Variants in METAP1D observed in about 807,000 individuals in gnomAD.
The protein encoded by METAP1D is methionine aminopeptidase 1D, mitochondrial.
Under a neutral mutation model 40.5 loss-of-function variants are expected in METAP1D, and 31 were observed. The observed-to-expected ratio is 0.77, with a 90% CI of 0.58 to 1.03. The LOEUF is 1.03. METAP1D is among the 50% of genes least tolerant of loss of function. METAP1D has a pLI of 0.00. For synonymous variants in METAP1D, 151 were observed against 146.4 expected (o/e 1.03, Z -0.22); for missense variants, 411 against 420.7 (o/e 0.98, Z 0.20).
intron 6 of METAP1D, among the ~76,000 whole-genome samples, chr2:172,076,263 A>G (rs1437374993): frequency 6.6e-6 from 1 of 151,624 alleles, no homozygotes; most frequent in Non-Finnish European, 1.5e-5. Flanking sequence ...AGAATCATTG[A>G]GGTTTGTTGG....
At chr2:172,071,121 T>C (rs755639068) in intron 6 of METAP1D, 51 bp downstream of exon 6, 1 of 1,453,850 alleles carries the variant, frequency 6.9e-7, no homozygotes, top group East Asian at 2.5e-5. Context: ...GGTACAAAGG[T>C]TATTGGTGGC....
intron 1 of METAP1D, among the ~76,000 whole-genome samples, chr2:172,037,410 G>GA (rs1050968593): frequency 1.1e-4 from 16 of 150,284 alleles, no homozygotes; most frequent in African/African-American, 2.9e-4. Context: ...CTAGAGACCA[G>GA]AAAAAAAAAT....
intron 5 of METAP1D, among the ~76,000 whole-genome samples, chr2:172,066,910 A>G (rs1690298201): frequency 6.6e-6 from 1 of 152,218 alleles, no homozygotes; most frequent in African/African-American, 2.4e-5. Context: ...TGCTCAAAGT[A>G]AGCAGAGTGG....
intron 1 of METAP1D, among the ~76,000 whole-genome samples, chr2:172,033,947 C>T (rs1377752971): frequency 1.3e-5 from 2 of 151,540 alleles, no homozygotes; most frequent in African/African-American, 4.9e-5. Context: ...AGTGGTGGTG[C>T]GTGCCTGTAA....
chr2:172,029,666 A>G (rs938576382), intron 1 of METAP1D, among the ~76,000 whole-genome samples: 1 of 152,156 alleles, frequency 6.6e-6, no homozygotes, highest in Non-Finnish European at 1.5e-5. Context: ...GAATGAAAAA[A>G]CTATAGCCCA....
chr2:172,051,222 T>G (rs1689878076), intron 1 of METAP1D, among the ~76,000 whole-genome samples: 1 of 152,182 alleles, frequency 6.6e-6, no homozygotes, highest in African/African-American at 2.4e-5. Context: ...CTATAATCTT[T>G]GGCACCCTTC....
chr2:172,007,878 C>G (rs569779883), intron 1 of METAP1D, among the ~76,000 whole-genome samples: 1 of 151,928 alleles, frequency 6.6e-6, no homozygotes, highest in Non-Finnish European at 1.5e-5. Flanking sequence ...TTAGTAGAGA[C>G]GGGGTTTCAC....
intron 3 of METAP1D, 110 bp downstream of exon 3, chr2:172,063,970 A>C (rs1039227987): frequency 2.4e-6 from 3 of 1,265,258 alleles, no homozygotes; most frequent in Middle Eastern, 2.4e-4. Context: ...TTGTTTTAAA[A>C]ATTTATTTGT....
chr2:172,012,534 G>A (rs1015223982), intron 1 of METAP1D, among the ~76,000 whole-genome samples: 2 of 152,160 alleles, frequency 1.3e-5, no homozygotes, highest in Non-Finnish European at 2.9e-5. Context: ...TTTTACCAAA[G>A]CCTTCTAACT....
At position 172,042,489 on chromosome 2, in the gene METAP1D, G is replaced by GTACATATA. The variant is rs1269671050; in HGVS notation, c.41-18993_41-18986dup. On this transcript the variant is annotated intron_variant, in intron 1 of 9. Coordinates refer to ENST00000315796, the MANE Select transcript of METAP1D (RefSeq NM_199227.3). ...TATATACATATGTGTGTGTACATGT[G>GTACATATA]TACATATATACATATATACATATGT... 8.8e-5 allele frequency among the ~76,000 whole-genome samples: 4 copies of GTACATATA among 45,654 alleles called. 2 individuals are homozygous for GTACATATA. Among genetic ancestry groups the GTACATATA allele is most frequent in the Non-Finnish European group, 1.6e-4 (4 of 24,390 alleles). The allele number at this position is 45,654 out of a possible 152,430, so 30.0% of individuals were successfully genotyped here.
intron 5 of METAP1D, among the ~76,000 whole-genome samples, chr2:172,068,830 ATTCCTTCCTTCC>A (rs557758754): frequency 2.7e-5 from 4 of 150,824 alleles, no homozygotes; most frequent in Admixed American, 1.3e-4. Flanking sequence ...TCATTTTGAT[ATTCCTTCCTTCC>A]TTCCTTCCTT....
At chr2:172,042,941 G>T (rs1402284639) in intron 1 of METAP1D, among the ~76,000 whole-genome samples, 1 of 126,912 alleles carries the variant, frequency 7.9e-6, no homozygotes, top group Non-Finnish European at 1.8e-5. Context: ...GTGTATACAC[G>T]TATGCGTACC....
intron 1 of METAP1D, among the ~76,000 whole-genome samples, chr2:172,055,547 A>G (rs1352240560): frequency 2.0e-5 from 3 of 152,176 alleles, no homozygotes; most frequent in African/African-American, 7.2e-5. Flanking sequence ...GGCTAGTTGG[A>G]GGACCATTAT....
At chr2:172,007,735 G>A (rs1688620915) in intron 1 of METAP1D, among the ~76,000 whole-genome samples, 1 of 152,130 alleles carries the variant, frequency 6.6e-6, no homozygotes, top group African/African-American at 2.4e-5. Context: ...TGTTGCCCAG[G>A]ATGGAGTGCA....
chr2:172,061,609 G>A lies in METAP1D; in HGVS notation c.152G>A (p.Ser51Asn), dbSNP rs1324900035. The A allele has an allele frequency of 6.2e-7, 1 of 1,613,556 alleles. No homozygotes were observed. The highest frequency in any genetic ancestry group is 1.3e-5 in the African/African-American group (1 of 75,022). Reference sequence around the variant, plus strand: ...CGGAGACAAAGAGATATTTCACACAGTATAGTTTTGCCGGCTGCAGTTTCT... The same window carrying A: ...CGGAGACAAAGAGATATTTCACACAATATAGTTTTGCCGGCTGCAGTTTCT... Reference protein sequence around the residue: ...FFRRQRDISHSIVLPAAVSSA... With the variant: ...FFRRQRDISHNIVLPAAVSSA... Residue 51 changes from serine (S) to asparagine (N), a missense_variant, in exon 2 of 10, where the codon AGT becomes AAT. Transcript: ENST00000315796.
At chr2:172,009,467 C>G (rs934922329) in intron 1 of METAP1D, among the ~76,000 whole-genome samples, 4 of 147,882 alleles carry the variant, frequency 2.7e-5, no homozygotes, top group African/African-American at 9.7e-5. Flanking sequence ...TGTTTCGGGT[C>G]ATTATATGGG....
chr2:172,029,810 A>G (rs1689198555), intron 1 of METAP1D, among the ~76,000 whole-genome samples: 1 of 152,212 alleles, frequency 6.6e-6, no homozygotes, highest in Non-Finnish European at 1.5e-5. Flanking sequence ...GCTAGAGTGC[A>G]GTGGCACCAT....
chr2:172,012,668 A>T (rs945508003), intron 1 of METAP1D, among the ~76,000 whole-genome samples: 1 of 152,144 alleles, frequency 6.6e-6, no homozygotes, highest in Non-Finnish European at 1.5e-5. Flanking sequence ...TTAATTTTCT[A>T]ATGTTGTTTT....
intron 1 of METAP1D, among the ~76,000 whole-genome samples, chr2:172,025,483 C>A (rs1490175178): frequency 1.3e-5 from 2 of 151,934 alleles, no homozygotes; most frequent in Admixed American, 6.6e-5. Flanking sequence ...CAAGTGCCAC[C>A]ATACCTGGAT....
Sources: allele counts gnomAD v4.1 joint callset (sites outside exome capture counted in the v4.1 genomes callset), GRCh38; gene constraint gnomAD v4.1.1; transcripts MANE v1.5; gene names NCBI Gene and HGNC (gene_info 2026-07-23, HGNC 2026-07-21).